Variants in ZSWIM5 observed in about 807,000 individuals in gnomAD.
The protein encoded by ZSWIM5 is zinc finger SWIM domain-containing protein 5.
ZSWIM5 carries 55 observed loss-of-function variants against 119.6 expected under a neutral mutation model. The ratio of observed to expected loss-of-function variants is 0.46; its 90% CI spans 0.37 to 0.58. ZSWIM5 has a LOEUF of 0.58. Ranked by LOEUF, ZSWIM5 falls within the 20% of genes least tolerant of loss-of-function variation. The pLI, the probability that ZSWIM5 is intolerant of heterozygous loss-of-function variation, is 0.00. For missense variants in ZSWIM5, 1,193 were observed against 1,512.8 expected (o/e 0.79, Z 3.51); for synonymous variants, 537 against 606.9 (o/e 0.88, Z 1.69).
rs867257087 is a variant in ZSWIM5, at chr1:45,060,329, T to C, written c.953-82A>G. 1.7e-5 allele frequency: 25 copies of C among 1,472,458 alleles called. No homozygotes were observed. In the Middle Eastern group the frequency reaches 9.6e-4, roughly 56 times the overall value. The allele number at this position is 1,472,458 out of a possible 1,614,324, so 91.2% of individuals were successfully genotyped here. A position where few individuals can be genotyped will look rare whatever the true frequency, so the allele number is the denominator to read the frequency against. On this transcript the variant is annotated intron_variant, in intron 2 of 13. Coordinates refer to ENST00000359600, the MANE Select transcript of ZSWIM5 (RefSeq NM_020883.2). ...GCTGGAGGGGCACTTTGTGAGCATA[T>C]TCAAACAGAGATGGGTCATTCTGCT...
chr1:45,027,407 AT>A (rs1286083814), intron 11 of ZSWIM5, among the ~76,000 whole-genome samples: 3 of 151,274 alleles, frequency 2.0e-5, no homozygotes, highest in Non-Finnish European at 4.4e-5. Flanking sequence ...TAATTAATTA[AT>A]TTTTTTTGAG....
chr1:45,105,021 G>A (rs551546489), intron 1 of ZSWIM5, among the ~76,000 whole-genome samples: 1 of 152,168 alleles, frequency 6.6e-6, no homozygotes, highest in Non-Finnish European at 1.5e-5. Context: ...TGAGATCTTC[G>A]GCTCGCCGCA....
chr1:45,068,785 T>C (rs1012191828), intron 2 of ZSWIM5, among the ~76,000 whole-genome samples: 3 of 147,528 alleles, frequency 2.0e-5, no homozygotes, highest in Admixed American at 7.0e-5. Context: ...TTGTTGCTGT[T>C]GTATGTCTTT....
intron 3 of ZSWIM5, among the ~76,000 whole-genome samples, chr1:45,059,321 T>C (rs1329793667): frequency 2.0e-5 from 3 of 152,066 alleles, no homozygotes; most frequent in Non-Finnish European, 4.4e-5. Flanking sequence ...TGTTCAGACA[T>C]AAAAAGGAAT....
intron 1 of ZSWIM5, among the ~76,000 whole-genome samples, chr1:45,133,654 C>T (rs1489741981): frequency 1.3e-5 from 2 of 152,100 alleles, no homozygotes; most frequent in South Asian, 2.1e-4. Flanking sequence ...GTTGCCATTG[C>T]TTTTGGTGTT....
chr1:45,146,257 G>A (rs1645758808), intron 1 of ZSWIM5, among the ~76,000 whole-genome samples: 1 of 151,776 alleles, frequency 6.6e-6, no homozygotes, highest in Admixed American at 6.6e-5. Context: ...ATCCAATAGA[G>A]AATAAAAAGC....
chr1:45,052,110 C>G (rs1478546131), intron 4 of ZSWIM5, among the ~76,000 whole-genome samples: 4 of 150,760 alleles, frequency 2.7e-5, no homozygotes, highest in African/African-American at 9.8e-5. Flanking sequence ...TCAAGCAATT[C>G]TCCAGCCTCA....
At chr1:45,178,769 G>C (rs150369713) in intron 1 of ZSWIM5, among the ~76,000 whole-genome samples, 2,796 of 152,052 alleles carry the variant, frequency 0.018, 45 homozygotes, top group Non-Finnish European at 0.026. Context: ...TACTCTATTG[G>C]TGAATATAAT....
chr1:45,020,909 C>A, intron 11 of ZSWIM5, 121 bp from the exon 12 acceptor site: 1 of 1,215,666 alleles, frequency 8.2e-7, no homozygotes, highest in Non-Finnish European at 1.2e-6. Flanking sequence ...TGAATGCTAC[C>A]GCCCCTTCTG....
chr1:45,101,142 T>C (rs980522712), intron 1 of ZSWIM5, among the ~76,000 whole-genome samples: 2 of 151,278 alleles, frequency 1.3e-5, no homozygotes, highest in African/African-American at 4.9e-5. Context: ...TGCAATCTAC[T>C]CATCTGACAA....
intron 12 of ZSWIM5, 23 bp downstream of exon 12, chr1:45,020,602 G>T: frequency 1.2e-6 from 2 of 1,610,754 alleles, no homozygotes; most frequent in African/African-American, 1.3e-5. Flanking sequence ...CTAAACTGTG[G>T]ATGGCCTACT....
At chr1:45,129,902 T>A (rs565593953) in intron 1 of ZSWIM5, among the ~76,000 whole-genome samples, 3 of 143,386 alleles carry the variant, frequency 2.1e-5, no homozygotes, top group South Asian at 2.2e-4. Context: ...TAAAAGGAAA[T>A]TTTTTTTTTT....
chr1:45,175,637 A>T (rs1334255066), intron 1 of ZSWIM5, among the ~76,000 whole-genome samples: 1 of 151,794 alleles, frequency 6.6e-6, no homozygotes, highest in East Asian at 1.9e-4. Context: ...ATTTTTGTAG[A>T]GACGGTGTTT....
chr1:45,113,043 G>A (rs989449071), intron 1 of ZSWIM5, among the ~76,000 whole-genome samples: 1 of 152,174 alleles, frequency 6.6e-6, no homozygotes, highest in Non-Finnish European at 1.5e-5. Context: ...GTGGAAAACT[G>A]TAAAGCTCTT....
At chr1:45,023,362 TTTTC>T (rs1441340973) in intron 11 of ZSWIM5, among the ~76,000 whole-genome samples, 1 of 152,140 alleles carries the variant, frequency 6.6e-6, no homozygotes, top group Non-Finnish European at 1.5e-5. Context: ...AGACTGGCTT[TTTTC>T]TTTCTTCTTC....
intron 1 of ZSWIM5, among the ~76,000 whole-genome samples, chr1:45,137,469 A>AT (rs1645696672): frequency 1.3e-5 from 2 of 152,236 alleles, no homozygotes; most frequent in Non-Finnish European, 2.9e-5. Flanking sequence ...AGAAAAAAAA[A>AT]GTAGATCAAG....
At chr1:45,138,935 A>G (rs1202641574) in intron 1 of ZSWIM5, among the ~76,000 whole-genome samples, 1 of 143,748 alleles carries the variant, frequency 7.0e-6, no homozygotes, top group African/African-American at 2.6e-5. Flanking sequence ...TCTATTGCCC[A>G]GGCTGGAGTG....
intron 1 of ZSWIM5, among the ~76,000 whole-genome samples, chr1:45,092,553 C>G (rs914859852): frequency 6.0e-5 from 8 of 133,420 alleles, no homozygotes; most frequent in Admixed American, 3.0e-4. Context: ...CCCCCCCCCG[C>G]CAGCCTTACA....
At chr1:45,146,075 T>C (rs139515156) in intron 1 of ZSWIM5, among the ~76,000 whole-genome samples, 138 of 152,328 alleles carry the variant, frequency 9.1e-4, no homozygotes, top group African/African-American at 3.0e-3. Context: ...TAGTAAACAC[T>C]TGTTGGAACA....
Sources: allele counts gnomAD v4.1 joint callset (sites outside exome capture counted in the v4.1 genomes callset), GRCh38; gene constraint gnomAD v4.1.1; transcripts MANE v1.5; gene names NCBI Gene and HGNC (gene_info 2026-07-23, HGNC 2026-07-21).